SEMA3D: variants seen among roughly 807,000 people sequenced by gnomAD.
The protein encoded by SEMA3D is semaphorin-3D.
Under a neutral mutation model 100.1 loss-of-function variants are expected in SEMA3D, and 84 were observed. The ratio of observed to expected loss-of-function variants is 0.84; its 90% confidence interval spans 0.70 to 1.01. The LOEUF (loss-of-function observed/expected upper bound fraction) is 1.01, where lower values mean the gene tolerates loss of function less well. Ranked by LOEUF, SEMA3D falls within the 50% of genes least tolerant of loss-of-function variation. The probability of loss-of-function intolerance (pLI) is 0.00; values close to 1 mark genes in which losing one functional copy is unlikely to be tolerated. For synonymous variants in SEMA3D, 312 were observed against 320.7 expected, an observed-to-expected ratio of 0.97 and a Z score of 0.29; for missense variants, 875 against 934.1, an observed-to-expected ratio of 0.94 and a Z score of 0.82.
intron 9 of SEMA3D, among the ~76,000 whole-genome samples, chr7:85,049,413 C>T (rs1244899723): frequency 6.6e-6 from 1 of 151,600 alleles, no homozygotes; most frequent in South Asian, 2.1e-4. Context: ...AATACACTAT[C>T]CTGAACAACT....
At chr7:85,079,059 C>T (rs1253883083) in intron 5 of SEMA3D, among the ~76,000 whole-genome samples, 1 of 152,088 alleles carries the variant, frequency 6.6e-6, no homozygotes, top group Non-Finnish European at 1.5e-5. Flanking sequence ...AGAGCACAGA[C>T]CTTGGAGCAA....
chr7:85,036,868 A>T, intron 12 of SEMA3D, 21 bp downstream of exon 12: 1 of 1,569,708 alleles, frequency 6.4e-7, no homozygotes, highest in Admixed American at 1.8e-5. Flanking sequence ...AAATAATTTG[A>T]TTATTAAGTT....
intron 5 of SEMA3D, among the ~76,000 whole-genome samples, chr7:85,077,055 G>A (rs886383406): frequency 2.4e-4 from 35 of 147,478 alleles, no homozygotes; most frequent in Non-Finnish European, 4.1e-4. Flanking sequence ...GCAGTGAGCC[G>A]AGATTGCGCC....
chr7:85,117,705 C>T (rs1237770771), intron 3 of SEMA3D, among the ~76,000 whole-genome samples: 8 of 151,644 alleles, frequency 5.3e-5, no homozygotes, highest in South Asian at 2.1e-4. Context: ...CTTAGGAGGC[C>T]GAGGCTGCAG....
At chr7:85,231,513 C>G in the SEMA3D span, among the ~76,000 whole-genome samples, 1 of 130,966 alleles carries the variant, frequency 7.6e-6, no homozygotes, top group Admixed American at 9.5e-5. Flanking sequence ...AGTAGTGGGG[C>G]GATCTCGGCT....
At chr7:85,183,714 T>C (rs770617800) in intron 1 of SEMA3D, among the ~76,000 whole-genome samples, 4 of 152,252 alleles carry the variant, frequency 2.6e-5, no homozygotes, top group Admixed American at 2.6e-4. Flanking sequence ...CTATCTTTTA[T>C]CGTTAGTTTC....
At chr7:85,097,192 G>A (rs921585183) in intron 4 of SEMA3D, among the ~76,000 whole-genome samples, 1 of 151,938 alleles carries the variant, frequency 6.6e-6, no homozygotes, top group African/African-American at 2.4e-5. Context: ...GTAGGACATA[G>A]TAGTAATTGC....
rs1364660400 is a variant in SEMA3D, at chr7:85,169,747, T to C, written c.-172-16008A>G. Among the ~76,000 whole-genome samples, 6 of 151,808 alleles carry C rather than the reference T, an allele frequency of 4.0e-5. No individual in the cohort carries two copies. In the East Asian group the frequency reaches 1.2e-3, roughly 29 times the overall value. Reference sequence around the variant, plus strand: ...CTACATACAACTCAGGATTTTAGATTCTTTTTTCAAAACTCTACTTACATT... The same window carrying C: ...CTACATACAACTCAGGATTTTAGATCCTTTTTTCAAAACTCTACTTACATT... On this transcript the variant is annotated intron_variant, in intron 1 of 18. Transcript: ENST00000284136.
the SEMA3D span, among the ~76,000 whole-genome samples, chr7:85,201,238 A>G: frequency 6.6e-6 from 1 of 152,142 alleles, no homozygotes; most frequent in African/African-American, 2.4e-5. Flanking sequence ...TGCCAGCCCC[A>G]ATTTCCAAGG....
intron 1 of SEMA3D, among the ~76,000 whole-genome samples, chr7:85,169,628 T>A (rs1791029208): frequency 6.6e-6 from 1 of 151,846 alleles, no homozygotes; most frequent in Non-Finnish European, 1.5e-5. Context: ...AAAAGGATAA[T>A]CATTTTAAGT....
intron 15 of SEMA3D, among the ~76,000 whole-genome samples, chr7:85,015,877 G>A (rs1237695037): frequency 6.6e-6 from 1 of 151,676 alleles, no homozygotes; most frequent in Non-Finnish European, 1.5e-5. Context: ...ATTCTTTTGA[G>A]TATCTGTGGT....
In SEMA3D at chr7:85,022,598, A is replaced by T. The variant is rs1248526193; in HGVS notation, c.1207T>A (p.Tyr403Asn). The change falls in exon 13 of 19, where the codon TAT (tyrosine) becomes AAT (asparagine). Residue 403 changes from tyrosine (Y) to asparagine (N), a missense_variant. Tyr to Asn is a moderately radical substitution (Grantham distance 143). Coordinates refer to ENST00000284136, the MANE Select transcript of SEMA3D (RefSeq NM_001384900.1). Reference sequence around the variant, plus strand: ...CGGGTGGACTTAATCAGTGGGTCATAGGTTTTGCTTGGACACTGAAAATAA... The same window carrying T: ...CGGGTGGACTTAATCAGTGGGTCATTGGTTTTGCTTGGACACTGAAAATAA... ...PRPGTCPSKT[Y>N]DPLIKSTRDF... is the part of the protein sequence containing the mutation. The T allele has an allele frequency of 1.2e-6, 2 of 1,611,278 alleles. No homozygotes were observed. Among genetic ancestry groups the T allele is most frequent in the Non-Finnish European group, 1.7e-6 (2 of 1,177,868 alleles).
chr7:85,084,486 A>C (rs999035120), intron 4 of SEMA3D, among the ~76,000 whole-genome samples: 2 of 152,150 alleles, frequency 1.3e-5, no homozygotes, highest in African/African-American at 4.8e-5. Flanking sequence ...TACACAGAAT[A>C]CTTTTCCATA....
intron 2 of SEMA3D, chr7:85,140,586 T>G (rs2116460092): frequency 2.1e-6 from 2 of 936,506 alleles, no homozygotes; most frequent in South Asian, 9.9e-5. Context: ...TCTATATCTA[T>G]ATCTATATAT....
At chr7:85,199,819 T>A in the SEMA3D span, among the ~76,000 whole-genome samples, 1 of 152,228 alleles carries the variant, frequency 6.6e-6, no homozygotes, top group Non-Finnish European at 1.5e-5. Context: ...TTGATATGGT[T>A]TGGCTGTGTC....
At chr7:85,025,053 A>G (rs1437784392) in intron 12 of SEMA3D, among the ~76,000 whole-genome samples, 1 of 152,030 alleles carries the variant, frequency 6.6e-6, no homozygotes, top group African/African-American at 2.4e-5. Flanking sequence ...TATGGCAGCT[A>G]TACATCTCAG....
chr7:85,181,345 C>CAA (rs1791401517), intron 1 of SEMA3D, among the ~76,000 whole-genome samples: 1 of 128,204 alleles, frequency 7.8e-6, no homozygotes, highest in South Asian at 2.5e-4. Flanking sequence ...CACACACACA[C>CAA]ACACACACAC....
At chr7:85,233,011 C>A in the SEMA3D span, among the ~76,000 whole-genome samples, 1 of 152,112 alleles carries the variant, frequency 6.6e-6, no homozygotes, top group South Asian at 2.1e-4. Flanking sequence ...TCTTTAAATC[C>A]TCTTCATTCC....
intron 2 of SEMA3D, chr7:85,140,849 T>C: frequency 1.2e-6 from 1 of 840,308 alleles, no homozygotes; most frequent in Non-Finnish European, 1.4e-6. Context: ...CATTCTACCA[T>C]TAAAAAAATG....
Sources: gnomAD v4.1 joint callset for allele counts (sites outside exome capture counted in the v4.1 genomes callset) on GRCh38, gnomAD v4.1.1 for gene constraint, MANE v1.5 for transcripts, NCBI Gene and HGNC (gene_info 2026-07-23, HGNC 2026-07-21) for gene names.